Variants in TMEM130 observed in about 807,000 individuals in gnomAD.
TMEM130 encodes transmembrane protein 130.
In TMEM130, 37 loss-of-function variants were observed where a neutral mutation model predicts 42.9. The observed-to-expected ratio is 0.86, with a 90% CI of 0.66 to 1.13. The LOEUF is 1.13. Ranked by LOEUF, TMEM130 falls within the 50% of genes most tolerant of loss-of-function variation. The pLI is 0.00. For synonymous variants in TMEM130, 259 were observed against 237.7 expected (o/e 1.09, Z -0.82); for missense variants, 545 against 562.6 (o/e 0.97, Z 0.32).
Position 98,869,856 on chromosome 7 carries a change from G to T in TMEM130, c.6C>A (p.Ala2=), listed in dbSNP as rs782445314. M[A]QAVWSRLGRI... ...GGCCGAGGCGCGACCACACTGCCTGGGCCATTGCGGGGCCCGGAGCGGGAG... is the reference window on the plus strand; with the variant it reads ...GGCCGAGGCGCGACCACACTGCCTGTGCCATTGCGGGGCCCGGAGCGGGAG... The change falls in exon 1 of 8, where the codon GCC becomes GCA. Residue 2 remains alanine (A), a synonymous_variant. Transcript: ENST00000339375. The surrounding 1 kb of genome is among the most constrained non-coding windows in gnomAD (Gnocchi z 4.7). The T allele has an allele frequency of 1.3e-5, 18 of 1,390,142 alleles. No homozygotes were observed. In the African/African-American group the frequency reaches 2.1e-4, roughly 16 times the overall value. 86.1% of individuals were successfully genotyped at this position (1,390,142 alleles called of 1,614,324 possible).
chr7:98,850,250 C>CATATATATATATAT lies in TMEM130; in HGVS notation c.1006+1157_1006+1170dup, dbSNP rs1179088568. Among the ~76,000 whole-genome samples the CATATATATATATAT allele has an allele frequency of 2.6e-4, 17 of 64,352 alleles. 1 individual carries two copies. The highest frequency in any genetic ancestry group is 3.8e-4 in the Non-Finnish European group (11 of 29,088). The allele number at this position is 64,352 out of a possible 152,430, so 42.2% of individuals were successfully genotyped here. A position where few individuals can be genotyped will look rare whatever the true frequency, so the allele number is the denominator to read the frequency against. ...TCCCTCTCTCTCTCTCTGTCTCTCTCATATATATATATATATATATATATT... is the reference window on the plus strand; with the variant it reads ...TCCCTCTCTCTCTCTCTGTCTCTCTCATATATATATATATATATATATATATATATATATATATT... On this transcript the variant is annotated intron_variant, in intron 6 of 7. Transcript: ENST00000339375.
intron 5 of TMEM130, among the ~76,000 whole-genome samples, chr7:98,853,262 C>T (rs1232755238): frequency 1.3e-5 from 2 of 152,168 alleles, no homozygotes; most frequent in African/African-American, 4.8e-5. Flanking sequence ...CTTCCTCTTC[C>T]CCTGGCCTGC....
In TMEM130 at chr7:98,856,168, A is replaced by G. The variant is rs782196344; in HGVS notation, c.567T>C (p.Thr189=). The G allele has an allele frequency of 3.7e-6, 6 of 1,613,762 alleles. No homozygotes were observed. In the East Asian group the frequency reaches 1.1e-4, roughly 30 times the overall value. Residue 189 remains threonine (T), a synonymous_variant, in exon 4 of 8, where the codon ACT becomes ACC. Transcript: ENST00000339375. ...AGTTATAATAGACCACGGAGTCTTC[A>G]GTCACCATCTGGGTCCTGTTAGGAG... ...WDFGDGTQMV[T]EDSVVYYNYS... is the part of the protein sequence containing the mutation.
chr7:98,847,976 G>A lies in TMEM130; in HGVS notation c.*80C>T. 2 of 1,411,312 alleles carry A rather than the reference G, an allele frequency of 1.4e-6. No homozygotes were observed. Among genetic ancestry groups the A allele is most frequent in the Non-Finnish European group, 2.0e-6 (2 of 1,018,376 alleles). The allele number at this position is 1,411,312 out of a possible 1,614,324, so 87.4% of individuals were successfully genotyped here. ...GCCCCACGCAAATGAACCCCTCCTG[G>A]TCAGTGGTGCACACCACCCTGCTGG... On this transcript the variant is annotated 3_prime_UTR_variant, in exon 8 of 8. Transcript: ENST00000339375.
At chr7:98,854,556 T>C (rs1195623132) in intron 5 of TMEM130, among the ~76,000 whole-genome samples, 1 of 152,124 alleles carries the variant, frequency 6.6e-6, no homozygotes, top group Non-Finnish European at 1.5e-5. Flanking sequence ...TTGAGCAACA[T>C]AGTGAGAACC....
intron 1 of TMEM130, among the ~76,000 whole-genome samples, chr7:98,867,552 G>A (rs1554400782): frequency 6.6e-6 from 1 of 152,198 alleles, no homozygotes; most frequent in East Asian, 1.9e-4. Flanking sequence ...CATGCTAATG[G>A]CCAAACAGCA....
chr7:98,860,112 T>C, intron 3 of TMEM130, 67 bp downstream of exon 3: 2 of 1,468,884 alleles, frequency 1.4e-6, no homozygotes, highest in Non-Finnish European at 1.8e-6. Flanking sequence ...CGGAGTACCC[T>C]GCACAGTGCG....
chr7:98,863,081 G>T lies in TMEM130; in HGVS notation c.391+14C>A, dbSNP rs782285593. The T allele has an allele frequency of 1.2e-6, 2 of 1,600,162 alleles. No homozygotes were observed. Among genetic ancestry groups the T allele is most frequent in the African/African-American group, 1.3e-5 (1 of 74,710 alleles). ...GGGTTTGAAGGCAAACTAGCAAATG[G>T]GAGCGACCCTCACCTGTGATGGGGA... On this transcript the variant is annotated intron_variant, in intron 2 of 7. Transcript: ENST00000339375.
intron 5 of TMEM130, among the ~76,000 whole-genome samples, 168 bp downstream of exon 5, chr7:98,855,072 C>T (rs1794595686): frequency 6.6e-6 from 1 of 152,172 alleles, no homozygotes; most frequent in Non-Finnish European, 1.5e-5. Flanking sequence ...AATACTGGAG[C>T]TGAGCCCATG....
intron 3 of TMEM130, among the ~76,000 whole-genome samples, chr7:98,857,307 C>G (rs1365411944): frequency 6.6e-6 from 1 of 152,126 alleles, no homozygotes; most frequent in Non-Finnish European, 1.5e-5. Context: ...TTGTCTTATT[C>G]CTGCATCTAG....
intron 6 of TMEM130, 85 bp downstream of exon 6, chr7:98,851,336 G>T: frequency 7.2e-7 from 1 of 1,391,930 alleles, no homozygotes; most frequent in Non-Finnish European, 1.0e-6. Flanking sequence ...AGGCTGGCTG[G>T]TAGGAGCGTA....
At position 98,869,867 on chromosome 7, in the gene TMEM130, G is replaced by A. The variant is rs575924365; in HGVS notation, c.-6C>T. ...GACCACACTGCCTGGGCCATTGCGG[G>A]GCCCGGAGCGGGAGAAGCGTGGGGC... On this transcript the variant is annotated 5_prime_UTR_variant, in exon 1 of 8. Coordinates refer to ENST00000339375, the MANE Select transcript of TMEM130 (RefSeq NM_152913.3). This position sits in a 1 kb window ranked among gnomAD's most constrained non-coding sequence, Gnocchi z 4.7. 3 of 1,358,796 alleles carry A rather than the reference G, an allele frequency of 2.2e-6. No individual in the cohort carries two copies. The South Asian group carries it at 5.3e-5, about 24-fold the overall frequency. 84.2% of individuals were successfully genotyped at this position (1,358,796 alleles called of 1,614,324 possible).
intron 5 of TMEM130, among the ~76,000 whole-genome samples, chr7:98,852,646 G>A (rs1370221079): frequency 1.3e-5 from 2 of 152,208 alleles, no homozygotes; most frequent in African/African-American, 2.4e-5. Context: ...CCAGGCTGGA[G>A]TGCAGTGGTG....
chr7:98,867,500 TG>T (rs1461593193), intron 1 of TMEM130, among the ~76,000 whole-genome samples: 2 of 152,162 alleles, frequency 1.3e-5, no homozygotes, highest in Non-Finnish European at 2.9e-5. Flanking sequence ...CTGAGAAGCG[TG>T]GGCCTGAGCG....
chr7:98,863,530 C>G (rs1422212096), intron 1 of TMEM130, 130 bp from the exon 2 acceptor site: 1 of 927,066 alleles, frequency 1.1e-6, no homozygotes, highest in African/African-American at 1.7e-5. Flanking sequence ...GCTCAAGTGA[C>G]TTGCCCAAGG....
intron 6 of TMEM130, among the ~76,000 whole-genome samples, chr7:98,848,912 C>G (rs1201192698): frequency 1.3e-5 from 2 of 152,256 alleles, no homozygotes; most frequent in South Asian, 4.1e-4. Flanking sequence ...CAGCATACAT[C>G]CACAAGTTAC....
intron 5 of TMEM130, among the ~76,000 whole-genome samples, chr7:98,852,372 C>G (rs1446308722): frequency 2.0e-5 from 3 of 152,038 alleles, no homozygotes; most frequent in Non-Finnish European, 2.9e-5. Context: ...TCAGGTGACC[C>G]GCCCGCCTCG....
At chr7:98,856,230 C>T in intron 3 of TMEM130, 47 bp from the exon 4 acceptor site, 2 of 1,582,002 alleles carry the variant, frequency 1.3e-6, no homozygotes, top group Non-Finnish European at 1.7e-6. Flanking sequence ...CAGACGGTTG[C>T]TTCCCCTTCC....
intron 6 of TMEM130, among the ~76,000 whole-genome samples, chr7:98,850,571 A>G (rs543662092): frequency 7.9e-5 from 12 of 151,656 alleles, no homozygotes; most frequent in African/African-American, 2.4e-4. Flanking sequence ...GAGCCACCGC[A>G]TCTGTCCTAT....
Sources: gnomAD v4.1 joint callset for allele counts (sites outside exome capture counted in the v4.1 genomes callset) on GRCh38, gnomAD v4.1.1 for gene constraint, Gnocchi (gnomAD v3.1) non-coding constraint, MANE v1.5 for transcripts, NCBI Gene and HGNC (gene_info 2026-07-23, HGNC 2026-07-21) for gene names.